Variants in IRAK1BP1 observed in about 807,000 individuals in gnomAD.
IRAK1BP1 encodes interleukin 1 receptor associated kinase 1 binding protein 1.
Under a neutral mutation model 28.0 loss-of-function variants are expected in IRAK1BP1, and 24 were observed. That is an observed-to-expected ratio of 0.86 (90% CI 0.62 to 1.20). The LOEUF (loss-of-function observed/expected upper bound fraction) is 1.20. Among genes scored for constraint, IRAK1BP1 ranks in the 50% most tolerant of loss-of-function variants. The pLI, the probability that IRAK1BP1 is intolerant of heterozygous loss-of-function variation, is 0.00. For synonymous variants in IRAK1BP1, 131 were observed against 116.3 expected, an observed-to-expected ratio of 1.13 and a Z score of -0.81; for missense variants, 336 against 316.7, an observed-to-expected ratio of 1.06 and a Z score of -0.46.
rs542337651 is a variant in IRAK1BP1 at position 78,913,847 on chromosome 6, A to C, written c.*67+10737A>C. ...TGGAAAAATACTGATATTGGGTAAAATAAAATAGTGAGCAGCAAATAGGAA... is the reference window on the plus strand; with the variant it reads ...TGGAAAAATACTGATATTGGGTAAACTAAAATAGTGAGCAGCAAATAGGAA... On this transcript the variant is annotated intron_variant and NMD_transcript_variant, in intron 4 of 4. Transcript: ENST00000606868. Among the ~76,000 whole-genome samples, 475 of 149,344 alleles carry C rather than the reference A, an allele frequency of 3.2e-3. 3 individuals are homozygous for C. Among genetic ancestry groups the C allele is most frequent in the African/African-American group, 0.011 (442 of 39,108 alleles).
chr6:78,952,428 G>GAAAAAAAAAAA, the IRAK1BP1 span, among the ~76,000 whole-genome samples: 1 of 57,636 alleles, frequency 1.7e-5, no homozygotes, highest in Non-Finnish European at 3.8e-5. Flanking sequence ...AAAAAAAAAA[G>GAAAAAAAAAAA]AAAAAAAAAA....
the IRAK1BP1 span, chr6:78,969,809 C>G: frequency 4.4e-6 from 5 of 1,139,990 alleles, no homozygotes; most frequent in African/African-American, 6.3e-5. Flanking sequence ...CATCAAACAT[C>G]GATAGCTTCT....
rs1314039641 is a variant in IRAK1BP1, at chr6:78,899,801, A to G, written c.*1467A>G. 1.3e-5 allele frequency: 2 copies of G among 152,228 alleles called. No homozygotes were observed. Among genetic ancestry groups the G allele is most frequent in the African/African-American group, 4.8e-5 (2 of 41,454 alleles). The allele number at this position is 152,228 out of a possible 1,614,324, so 9.4% of individuals were successfully genotyped here. On this transcript the variant is annotated 3_prime_UTR_variant, in exon 4 of 4. Coordinates refer to ENST00000369940, the MANE Select transcript of IRAK1BP1 (RefSeq NM_001010844.4). The stretch of plus-strand genomic sequence containing the variant: ...AAAGAAACAGTTGAAACTAATTTTA[A>G]TAACATTTTATTTAACCAAATATAT...
chr6:78,933,434 G>A lies in IRAK1BP1; in HGVS notation c.*68-11974G>A, dbSNP rs144904691. 2.8e-3 allele frequency among the ~76,000 whole-genome samples: 391 copies of A among 141,106 alleles called. 3 individuals carry two copies. The highest frequency in any genetic ancestry group is 9.6e-3 in the African/African-American group (372 of 38,902). The allele number at this position is 141,106 out of a possible 152,430, so 92.6% of individuals were successfully genotyped here. On this transcript the variant is annotated intron_variant and NMD_transcript_variant, in intron 4 of 4. Coordinates refer to the IRAK1BP1 transcript ENST00000606868. ...AGTTTGAGACCAGCCTGGCCACCAT[G>A]GTGAACCCCTTCTCTTCTTAAAATA...
At chr6:78,931,423 A>C (rs548993046) in intron 4 of IRAK1BP1, among the ~76,000 whole-genome samples, 1 of 152,284 alleles carries the variant, frequency 6.6e-6, no homozygotes, top group African/African-American at 2.4e-5. Context: ...AAAACAAGAA[A>C]AAGAAGTAGG....
At chr6:78,896,696 G>A (rs745435595) in intron 2 of IRAK1BP1, among the ~76,000 whole-genome samples, 1 of 151,652 alleles carries the variant, frequency 6.6e-6, no homozygotes, top group Non-Finnish European at 1.5e-5. Context: ...ATGGTGGCAC[G>A]TTCCGGTAGT....
At chr6:78,913,775 A>G (rs1411698296) in intron 4 of IRAK1BP1, among the ~76,000 whole-genome samples, 1 of 152,248 alleles carries the variant, frequency 6.6e-6, no homozygotes, top group Non-Finnish European at 1.5e-5. Context: ...GGAGTATTTC[A>G]ACTATTTATA....
the IRAK1BP1 span, among the ~76,000 whole-genome samples, chr6:78,961,258 G>C: frequency 6.6e-6 from 1 of 151,600 alleles, no homozygotes; most frequent in African/African-American, 2.4e-5. Flanking sequence ...GCTGAATACA[G>C]GCAAAATAAG....
At chr6:78,935,690 T>G in intron 4 of IRAK1BP1, 2 of 984,984 alleles carry the variant, frequency 2.0e-6, no homozygotes, top group Non-Finnish European at 2.4e-6. Flanking sequence ...TAACTGACAG[T>G]TTTCACACTT....
chr6:78,978,560 G>T, the IRAK1BP1 span: 1 of 1,537,302 alleles, frequency 6.5e-7, no homozygotes, highest in Non-Finnish European at 8.8e-7. Context: ...ACTATGTGAG[G>T]AAAAATGGAT....
chr6:78,974,382 T>G, the IRAK1BP1 span, among the ~76,000 whole-genome samples: 1 of 151,430 alleles, frequency 6.6e-6, no homozygotes, highest in Admixed American at 6.6e-5. Context: ...AAGCAGTGTG[T>G]AGAGGGAAAT....
rs528761718 is a variant in IRAK1BP1, at chr6:78,874,222, C to G, written c.315+6331C>G. On this transcript the variant is annotated intron_variant, in intron 1 of 3. Transcript: ENST00000369940. ...CTTATTTTTGTGGCCAGAGAAATGC[C>G]AGACCAATTAGCTTAGATATGGATT... 1.5e-3 allele frequency among the ~76,000 whole-genome samples: 224 copies of G among 152,288 alleles called. 1 individual carries two copies. The highest frequency in any genetic ancestry group is 6.8e-3 in the Middle Eastern group (2 of 294).
At chr6:78,937,775 C>A (rs1379677196) in intron 4 of IRAK1BP1, 1 of 151,658 alleles carries the variant, frequency 6.6e-6, no homozygotes, top group Non-Finnish European at 1.5e-5. Flanking sequence ...ATCTATTGCC[C>A]AGGGCTGTGA....
chr6:78,952,376 G>A, the IRAK1BP1 span, among the ~76,000 whole-genome samples: 1 of 142,548 alleles, frequency 7.0e-6, no homozygotes, highest in Non-Finnish European at 1.5e-5. Flanking sequence ...CCGAGATTGA[G>A]CCACTGCACT....
intron 4 of IRAK1BP1, among the ~76,000 whole-genome samples, chr6:78,926,329 C>G (rs1046802353): frequency 6.6e-6 from 1 of 152,112 alleles, no homozygotes; most frequent in Non-Finnish European, 1.5e-5. Flanking sequence ...GGGTATATAT[C>G]CAAAAGAAAA....
intron 4 of IRAK1BP1, among the ~76,000 whole-genome samples, chr6:78,915,825 C>A (rs1215605092): frequency 1.3e-5 from 2 of 152,160 alleles, no homozygotes; most frequent in Non-Finnish European, 2.9e-5. Context: ...TCTATCTTGG[C>A]ATCTGCTTTT....
intron 4 of IRAK1BP1, among the ~76,000 whole-genome samples, chr6:78,915,601 G>T (rs1380193666): frequency 6.6e-6 from 1 of 152,166 alleles, no homozygotes; most frequent in Non-Finnish European, 1.5e-5. Flanking sequence ...CTCCTGTGAT[G>T]ATCAAATTTG....
At chr6:78,965,836 C>A in the IRAK1BP1 span, 2 of 1,160,828 alleles carry the variant, frequency 1.7e-6, no homozygotes, top group South Asian at 1.3e-5. Context: ...AATCAATTAT[C>A]AAAATAATTG....
intron 4 of IRAK1BP1, among the ~76,000 whole-genome samples, chr6:78,926,795 T>C (rs1427187361): frequency 1.3e-5 from 2 of 152,042 alleles, no homozygotes; most frequent in African/African-American, 4.8e-5. Context: ...TAAGAACATA[T>C]GATGTTTGTC....
Sources: allele counts gnomAD v4.1 joint callset (sites outside exome capture counted in the v4.1 genomes callset), GRCh38; gene constraint gnomAD v4.1.1; transcripts MANE v1.5; gene names NCBI Gene and HGNC (gene_info 2026-07-23, HGNC 2026-07-21).